Variants in C6 observed in about 807,000 individuals in gnomAD.
C6 encodes the protein complement component C6.
C6 carries 101 observed loss-of-function variants against 112.9 expected under a neutral mutation model. The ratio of observed to expected loss-of-function variants is 0.89; its 90% CI spans 0.76 to 1.06. C6 has a LOEUF of 1.06. C6 is among the 50% of genes least tolerant of loss of function. The probability of loss-of-function intolerance (pLI) is 0.00; values close to 1 mark genes in which losing one functional copy is unlikely to be tolerated. For missense variants in C6, 1,202 were observed against 1,104.6 expected (o/e 1.09, Z -1.25); for synonymous variants, 431 against 384.1 (o/e 1.12, Z -1.43).
chr5:41,229,046 C>T (rs1390955503), intron 1 of C6, among the ~76,000 whole-genome samples: 15 of 152,056 alleles, frequency 9.9e-5, no homozygotes, highest in African/African-American at 2.4e-4. Flanking sequence ...ACCCGGGAGA[C>T]GGAGGTTGCA....
At position 41,158,744 on chromosome 5, in the gene C6, A is replaced by G; in HGVS notation, c.1898T>C (p.Val633Ala). Residue 633 changes from valine to alanine, a missense_variant, in exon 13 of 18, where the codon GTC becomes GCC. Transcript: ENST00000337836. The stretch of plus-strand genomic sequence containing the variant: ...ATCTGCTTCTATCTCAGGAAGATCG[A>G]CCTCTTTCATTTCTTCGTCATCATT... ...CINDDEEMKEVDLPEIEADSG... is the reference protein window; with the variant it reads ...CINDDEEMKEADLPEIEADSG... 1.2e-6 allele frequency: 2 copies of G among 1,609,552 alleles called. No homozygotes were observed. Among genetic ancestry groups the G allele is most frequent in the Non-Finnish European group, 1.7e-6 (2 of 1,176,062 alleles).
chr5:41,194,733 T>C (rs903919123), intron 5 of C6, among the ~76,000 whole-genome samples: 10 of 152,160 alleles, frequency 6.6e-5, no homozygotes, highest in Non-Finnish European at 1.5e-4. Flanking sequence ...TTTTTTCTTA[T>C]GTTTCAAATT....
At chr5:41,178,464 TTC>T in intron 7 of C6, among the ~76,000 whole-genome samples, 2 of 122,722 alleles carry the variant, frequency 1.6e-5, no homozygotes, top group African/African-American at 6.0e-5. Context: ...CTTTTTCTTT[TTC>T]TTTTTTTTTT....
intron 1 of C6, among the ~76,000 whole-genome samples, chr5:41,243,744 T>C: frequency 6.6e-6 from 1 of 152,146 alleles, no homozygotes; most frequent in South Asian, 2.1e-4. Flanking sequence ...TTAACAGCCT[T>C]GGGGAAACTC....
At chr5:41,195,965 A>G (rs534431429) in intron 4 of C6, 32 bp from the exon 5 acceptor site, 2 of 1,611,938 alleles carry the variant, frequency 1.2e-6, no homozygotes, top group Admixed American at 3.3e-5. Context: ...AATCAATGCA[A>G]CAAATTATCA....
intron 1 of C6, among the ~76,000 whole-genome samples, chr5:41,225,921 C>G (rs1327305489): frequency 6.6e-6 from 1 of 152,136 alleles, no homozygotes; most frequent in Non-Finnish European, 1.5e-5. Context: ...GAAAGTGGAT[C>G]CCTTCCTTAC....
chr5:41,231,558 G>A (rs948119077), intron 1 of C6, among the ~76,000 whole-genome samples: 1 of 151,964 alleles, frequency 6.6e-6, no homozygotes, highest in Non-Finnish European at 1.5e-5. Context: ...CTAATATGCT[G>A]TTACAACCAT....
At chr5:41,195,395 T>A (rs1383260207) in intron 5 of C6, among the ~76,000 whole-genome samples, 2 of 152,166 alleles carry the variant, frequency 1.3e-5, no homozygotes, top group Non-Finnish European at 2.9e-5. Context: ...TCTTTCTCCA[T>A]TTGCTCCTGA....
Position 41,158,774 on chromosome 5 carries a change from C to A in C6, c.1868G>T (p.Cys623Phe), listed in dbSNP as rs1747173848. The change falls in exon 13 of 18, where the codon TGT becomes TTT. Residue 623 changes from cysteine (C) to phenylalanine (F), a missense_variant. Cys to Phe is a radical substitution (Grantham distance 205). Transcript: ENST00000337836. ...FSIMENNGQP[C>F]INDDEEMKEV... ...TTTCATTTCTTCGTCATCATTGATA[C>A]ATGGTTGTCCACTAAAAGGGAAACA... The A allele has an allele frequency of 6.4e-7, 1 of 1,567,568 alleles. No homozygotes were observed. The highest frequency in any genetic ancestry group is 1.7e-5 in the Admixed American group (1 of 59,860).
intron 1 of C6, among the ~76,000 whole-genome samples, chr5:41,248,881 C>T (rs1236895764): frequency 2.0e-5 from 3 of 152,030 alleles, no homozygotes; most frequent in Non-Finnish European, 2.9e-5. Context: ...ATGTTTGTTG[C>T]AGTGCTGTTC....
In C6 at chr5:41,142,496, T is replaced by C. The variant is rs901547232; in HGVS notation, c.*329A>G. 6.5e-6 allele frequency: 2 copies of C among 308,836 alleles called. No individual in the cohort carries two copies. The highest frequency in any genetic ancestry group is 1.2e-5 in the Non-Finnish European group (2 of 161,092). 19.1% of individuals were successfully genotyped at this position (308,836 alleles called of 1,614,324 possible). Reference sequence around the variant, plus strand: ...GAAAATTATGGGTTTTATTCTTATTTCTAATTGCGAGAATGCTTAATGTCA... The same window carrying C: ...GAAAATTATGGGTTTTATTCTTATTCCTAATTGCGAGAATGCTTAATGTCA... On this transcript the variant is annotated 3_prime_UTR_variant, in exon 18 of 18. Transcript: ENST00000337836.
At chr5:41,221,656 G>A (rs965282322) in intron 1 of C6, among the ~76,000 whole-genome samples, 2 of 152,084 alleles carry the variant, frequency 1.3e-5, no homozygotes, top group Non-Finnish European at 2.9e-5. Flanking sequence ...TTTGGTGTGT[G>A]ACTAGGGCTT....
chr5:41,227,014 C>A (rs1739556903), intron 1 of C6, among the ~76,000 whole-genome samples: 1 of 152,018 alleles, frequency 6.6e-6, no homozygotes. Flanking sequence ...TATTTTTAAT[C>A]CTTTGAAGAA....
At chr5:41,245,604 C>T (rs1422956222) in intron 1 of C6, among the ~76,000 whole-genome samples, 1 of 151,978 alleles carries the variant, frequency 6.6e-6, no homozygotes, top group Non-Finnish European at 1.5e-5. Flanking sequence ...ATTTCTGTAC[C>T]TTAATTTGCA....
At chr5:41,211,272 C>G (rs2028757) in intron 1 of C6, among the ~76,000 whole-genome samples, 133,476 of 151,912 alleles carry the variant, frequency 0.88, 58,747 homozygotes, top group Admixed American at 0.93. Flanking sequence ...AGCATTAGGA[C>G]ATATACCTAA....
In C6 at chr5:41,181,419, T is replaced by G. The variant is rs1457405276; in HGVS notation, c.867A>C (p.Arg289Ser). Residue 289 changes from arginine (R) to serine (S), a missense_variant, in exon 7 of 18, where the codon AGA (arginine) becomes AGC (serine). By Grantham distance (110) the Arg-to-Ser change is moderately radical. Transcript: ENST00000337836. ...CAGAATTATGGTTGATATTTTCACTTCTCTTTGAGGAATAAAAAATTGGTA... is the reference window on the plus strand; with the variant it reads ...CAGAATTATGGTTGATATTTTCACTGCTCTTTGAGGAATAAAAAATTGGTA... ...FSVPIFYSSK[R>S]SENINHNSAF... 1 of 1,613,836 alleles carries G rather than the reference T, an allele frequency of 6.2e-7. No homozygotes were observed. The highest frequency in any genetic ancestry group is 8.5e-7 in the Non-Finnish European group (1 of 1,179,850).
intron 7 of C6, among the ~76,000 whole-genome samples, chr5:41,179,453 A>G (rs947155315): frequency 5.3e-5 from 8 of 152,024 alleles, no homozygotes; most frequent in African/African-American, 1.9e-4. Context: ...CCTGCATGCT[A>G]TATTATACTG....
At chr5:41,157,405 G>C (rs912674597) in intron 13 of C6, among the ~76,000 whole-genome samples, 1 of 152,168 alleles carries the variant, frequency 6.6e-6, no homozygotes, top group Non-Finnish European at 1.5e-5. Flanking sequence ...AATGTTCTAG[G>C]GCAGGGGCCA....
Position 41,186,111 on chromosome 5 carries a change from G to C in C6, c.685C>G (p.Pro229Ala), listed in dbSNP as rs761805631. The change falls in exon 6 of 18, where the codon CCA (proline) becomes GCA (alanine). Residue 229 changes from proline (P) to alanine (A), a missense_variant. Physicochemically the swap from Pro to Ala is conservative, Grantham distance 27. Transcript: ENST00000337836. Reference sequence around the variant, plus strand: ...TCCAGATTGGCCGGAACACGGTATGGATTACTTGTCCTACTGCTTTTGACA... The same window carrying C: ...TCCAGATTGGCCGGAACACGGTATGCATTACTTGTCCTACTGCTTTTGACA... ...KTVKSSRTSN[P>A]YRVPANLENV... The C allele has an allele frequency of 6.2e-7, 1 of 1,613,960 alleles. No individual in the cohort carries two copies. The highest frequency in any genetic ancestry group is 1.1e-5 in the South Asian group (1 of 91,078).
Sources: allele counts gnomAD v4.1 joint callset (sites outside exome capture counted in the v4.1 genomes callset), GRCh38; gene constraint gnomAD v4.1.1; transcripts MANE v1.5; gene names NCBI Gene and HGNC (gene_info 2026-07-23, HGNC 2026-07-21).